RGS3: variants seen among roughly 807,000 people sequenced by gnomAD.
RGS3 encodes regulator of G protein signaling 3, also known as regulator of G-protein signalling 3.
Under a neutral mutation model 132.6 loss-of-function variants are expected in RGS3, and 80 were observed. The observed-to-expected ratio is 0.60, with a 90% CI of 0.50 to 0.73. The LOEUF (loss-of-function observed/expected upper bound fraction) is 0.73, where lower values mean the gene tolerates loss of function less well. RGS3 is among the 30% of genes least tolerant of loss of function. The pLI is 0.00. For missense variants in RGS3, 1,382 were observed against 1,530.8 expected (o/e 0.90, Z 1.62); for synonymous variants, 598 against 620.6 (o/e 0.96, Z 0.54).
At chr9:113,536,093 T>A (rs1021293969) in intron 18 of RGS3, among the ~76,000 whole-genome samples, 6 of 152,278 alleles carry the variant, frequency 3.9e-5, no homozygotes, top group African/African-American at 1.4e-4. Context: ...GTAGTTTAGT[T>A]GGGGAGACGA....
At chr9:113,519,363 A>G (rs1831826440) in intron 16 of RGS3, among the ~76,000 whole-genome samples, 1 of 152,200 alleles carries the variant, frequency 6.6e-6, no homozygotes, top group Non-Finnish European at 1.5e-5. Flanking sequence ...CTGGAGACTT[A>G]GAACCAAGAG....
At chr9:113,533,513 G>A (rs1017734712) in intron 18 of RGS3, among the ~76,000 whole-genome samples, 1 of 152,206 alleles carries the variant, frequency 6.6e-6, no homozygotes, top group Non-Finnish European at 1.5e-5. Flanking sequence ...TTGCAGGCAT[G>A]AGCCACCGTG....
At chr9:113,475,832 C>A (rs1829976311) in intron 3 of RGS3, among the ~76,000 whole-genome samples, 1 of 152,158 alleles carries the variant, frequency 6.6e-6, no homozygotes, top group Non-Finnish European at 1.5e-5. Flanking sequence ...CTTCGGTGAG[C>A]TGAAGACTCC....
chr9:113,550,572 T>A (rs963700118), intron 19 of RGS3, among the ~76,000 whole-genome samples: 1 of 152,234 alleles, frequency 6.6e-6, no homozygotes, highest in Non-Finnish European at 1.5e-5. Context: ...GACTTTTCCC[T>A]TTTTAGCATT....
intron 4 of RGS3, among the ~76,000 whole-genome samples, chr9:113,480,046 AGTG>A (rs1231475407): frequency 6.6e-6 from 1 of 152,188 alleles, no homozygotes; most frequent in African/African-American, 2.4e-5. Context: ...TCTGTCAAGT[AGTG>A]GTGGTAATAC....
chr9:113,530,692 C>A (rs1042527732), intron 18 of RGS3, among the ~76,000 whole-genome samples: 11 of 152,230 alleles, frequency 7.2e-5, no homozygotes, highest in African/African-American at 2.7e-4. Context: ...TTCCTGGGAT[C>A]TGTGACGTGC....
chr9:113,503,155 C>T (rs764483236), intron 10 of RGS3, among the ~76,000 whole-genome samples: 15 of 152,182 alleles, frequency 9.9e-5, no homozygotes, highest in Admixed American at 7.9e-4. Context: ...GAGAACCACC[C>T]GCAGGAAGGA....
At chr9:113,462,975 T>G (rs1347428908) in intron 3 of RGS3, among the ~76,000 whole-genome samples, 4 of 152,256 alleles carry the variant, frequency 2.6e-5, no homozygotes, top group Admixed American at 2.0e-4. Context: ...GTCCTGTAAA[T>G]GTTTGCTGAC....
chr9:113,594,022 C>T, intron 21 of RGS3: 1 of 1,613,068 alleles, frequency 6.2e-7, no homozygotes, highest in Non-Finnish European at 8.5e-7. Context: ...ACGGCTCCCT[C>T]TCAGGGTTGG....
Position 113,507,200 on chromosome 9 carries a change from T to A in RGS3, c.1086-87T>A. On this transcript the variant is annotated intron_variant, in intron 12 of 24. Coordinates refer to ENST00000350696, the Ensembl canonical transcript of RGS3. The surrounding 1 kb of genome is among the most constrained non-coding windows in gnomAD (Gnocchi z 5.0). ...CTGGTGTCTGCCTCCTCTTCCCCCATTATCCTCTCTGCCCTGTGGGCCCTC... is the reference window on the plus strand; with the variant it reads ...CTGGTGTCTGCCTCCTCTTCCCCCAATATCCTCTCTGCCCTGTGGGCCCTC... 2 of 1,086,336 alleles carry A rather than the reference T, an allele frequency of 1.8e-6. No homozygotes were observed. The highest frequency in any genetic ancestry group is 2.4e-4 in the Middle Eastern group (1 of 4,108). 67.3% of individuals were successfully genotyped at this position (1,086,336 alleles called of 1,614,324 possible).
chr9:113,514,312 T>G (rs918088732), intron 14 of RGS3, 146 bp from the exon 13 acceptor site: 1 of 708,162 alleles, frequency 1.4e-6, no homozygotes, highest in African/African-American at 1.8e-5. Flanking sequence ...TCCCTGTGTT[T>G]CAGCATCGTG....
intron 19 of RGS3, chr9:113,581,966 C>G: frequency 1.0e-6 from 1 of 954,488 alleles, no homozygotes. Context: ...CTCCCTTGCC[C>G]AGCCACCTTC....
chr9:113,552,583 A>G (rs1317219643), intron 19 of RGS3, among the ~76,000 whole-genome samples: 5 of 152,016 alleles, frequency 3.3e-5, no homozygotes, highest in African/African-American at 1.2e-4. Context: ...CTCCCAAAGT[A>G]TTTATTCTTT....
At chr9:113,597,049 C>A in exon 25 of RGS3, 2 of 1,087,516 alleles carry the variant, frequency 1.8e-6, no homozygotes. Context: ...GCAAGCAAGC[C>A]CCCAGAGGCT....
chr9:113,507,271 A>AT lies in RGS3; in HGVS notation c.1086-15dup. 1 of 1,588,362 alleles carries AT rather than the reference A, an allele frequency of 6.3e-7. No homozygotes were observed. On this transcript the variant is annotated splice_polypyrimidine_tract_variant and intron_variant, in intron 12 of 24. Transcript: ENST00000350696. This position sits in a 1 kb window ranked among gnomAD's most constrained non-coding sequence, Gnocchi z 5.0. The stretch of plus-strand genomic sequence containing the variant: ...TCCCCAGGCTCAACCTGTCTGTGTG[A>AT]TCCCCCACCTTCCAGGAGCTGCCCC...
chr9:113,539,266 G>A (rs111747414), intron 19 of RGS3, among the ~76,000 whole-genome samples: 6,003 of 152,250 alleles, frequency 0.039, 162 homozygotes, highest in South Asian at 0.1. Flanking sequence ...AGGGCCAAAC[G>A]GAGCCCGGAG....
In RGS3 at chr9:113,507,790, A is replaced by G. The variant is rs1424944157; in HGVS notation, c.1437+152A>G. On this transcript the variant is annotated intron_variant, in intron 13 of 24. Coordinates refer to ENST00000350696, the Ensembl canonical transcript of RGS3. The surrounding 1 kb of genome is among the most constrained non-coding windows in gnomAD (Gnocchi z 5.0). Reference sequence around the variant, plus strand: ...GGTATGTGCTAGCTCTGCCTTCTGCAAGGCTGTTCTTGGTAGGGAGGACAG... The same window carrying G: ...GGTATGTGCTAGCTCTGCCTTCTGCGAGGCTGTTCTTGGTAGGGAGGACAG... 1.7e-6 allele frequency: 1 copy of G among 604,962 alleles called. No individual in the cohort carries two copies. The highest frequency in any genetic ancestry group is 4.3e-5 in the South Asian group (1 of 23,108). 37.5% of individuals were successfully genotyped at this position (604,962 alleles called of 1,614,324 possible).
rs1831141121 is a variant in RGS3 at position 113,506,520 on chromosome 9, G to A, written c.1085+27G>A. 1 of 1,491,910 alleles carries A rather than the reference G, an allele frequency of 6.7e-7. No homozygotes were observed. The highest frequency in any genetic ancestry group is 1.2e-5 in the South Asian group (1 of 83,640). 92.4% of individuals were successfully genotyped at this position (1,491,910 alleles called of 1,614,324 possible). A position where few individuals can be genotyped will look rare whatever the true frequency, so the allele number is the denominator to read the frequency against. ...TGACAGGGGACAGCGGGTGGCCTGG[G>A]GCCTCAGGCTGATGGCACACCCTCC... On this transcript the variant is annotated intron_variant, in intron 12 of 24. Coordinates refer to ENST00000350696, the Ensembl canonical transcript of RGS3. The surrounding 1 kb of genome is among the most constrained non-coding windows in gnomAD (Gnocchi z 4.7).
At chr9:113,464,881 C>G (rs1180501719) in intron 3 of RGS3, among the ~76,000 whole-genome samples, 6 of 152,198 alleles carry the variant, frequency 3.9e-5, no homozygotes, top group Non-Finnish European at 8.8e-5. Context: ...CAGGCTTACT[C>G]CTGCTCAACA....
Sources: allele counts gnomAD v4.1 joint callset (sites outside exome capture counted in the v4.1 genomes callset), GRCh38; gene constraint gnomAD v4.1.1; non-coding constraint Gnocchi (gnomAD v3.1); transcripts MANE v1.5; gene names NCBI Gene and HGNC (gene_info 2026-07-23, HGNC 2026-07-21).